Variants in KIF6 observed in about 807,000 individuals in gnomAD.
KIF6 encodes the protein kinesin-like protein KIF6.
KIF6 carries 106 observed loss-of-function variants against 112.7 expected under a neutral mutation model. The ratio of observed to expected loss-of-function variants is 0.94; its 90% CI spans 0.80 to 1.11. The LOEUF is 1.11. Among genes scored for constraint, KIF6 ranks in the 50% least tolerant of loss-of-function variants. The pLI, the probability that KIF6 is intolerant of heterozygous loss-of-function variation, is 0.00. For missense variants in KIF6, 929 were observed against 964.0 expected (o/e 0.96, Z 0.48); for synonymous variants, 339 against 339.9 (o/e 1.00, Z 0.03).
chr6:39,383,964 C>T (rs1165019355), intron 16 of KIF6, among the ~76,000 whole-genome samples: 2 of 152,144 alleles, frequency 1.3e-5, no homozygotes, highest in Non-Finnish European at 2.9e-5. Context: ...TTTTTGGTGT[C>T]TGGAAATGCT....
At chr6:39,461,236 A>G (rs1351867589) in intron 13 of KIF6, among the ~76,000 whole-genome samples, 1 of 152,156 alleles carries the variant, frequency 6.6e-6, no homozygotes, top group Non-Finnish European at 1.5e-5. Context: ...TATAGCATTC[A>G]TCATATTATT....
chr6:39,611,348 G>C (rs1342021988), intron 6 of KIF6, among the ~76,000 whole-genome samples: 2 of 152,014 alleles, frequency 1.3e-5, no homozygotes, highest in African/African-American at 4.8e-5. Context: ...AAAAAGACTT[G>C]GAATTTTGTA....
At chr6:39,386,854 G>A (rs955030837) in intron 15 of KIF6, among the ~76,000 whole-genome samples, 17 of 152,196 alleles carry the variant, frequency 1.1e-4, no homozygotes, top group African/African-American at 3.6e-4. Context: ...CCATTTGGGG[G>A]ATGTGATCAG....
At chr6:39,561,040 T>C (rs1354458729) in intron 10 of KIF6, among the ~76,000 whole-genome samples, 1 of 152,240 alleles carries the variant, frequency 6.6e-6, no homozygotes, top group Non-Finnish European at 1.5e-5. Flanking sequence ...CTGGGGGCAC[T>C]TATGGACTAT....
intron 3 of KIF6, among the ~76,000 whole-genome samples, chr6:39,648,100 T>C (rs2150784232): frequency 6.6e-6 from 1 of 150,578 alleles, no homozygotes; most frequent in South Asian, 2.1e-4. Context: ...CTTGGCTCAC[T>C]GCAAACTCTG....
intron 3 of KIF6, among the ~76,000 whole-genome samples, chr6:39,644,413 A>G (rs961606678): frequency 1.1e-4 from 17 of 152,166 alleles, no homozygotes; most frequent in African/African-American, 4.1e-4. Flanking sequence ...GAAACAACAC[A>G]AAGTGACCGT....
At chr6:39,724,963 G>A (rs1790449991) in intron 1 of KIF6, among the ~76,000 whole-genome samples, 1 of 152,188 alleles carries the variant, frequency 6.6e-6, no homozygotes, top group African/African-American at 2.4e-5. Context: ...GCACTAGTCT[G>A]CCCCCGCGTG....
At chr6:39,547,427 A>C (rs1779124247) in intron 10 of KIF6, among the ~76,000 whole-genome samples, 1 of 152,338 alleles carries the variant, frequency 6.6e-6, no homozygotes, top group South Asian at 2.1e-4. Flanking sequence ...AGAGGGATTT[A>C]TTCCTGATAC....
At chr6:39,431,351 A>G (rs1355840694) in intron 13 of KIF6, 190 bp from the exon 14 acceptor site, 4 of 562,790 alleles carry the variant, frequency 7.1e-6, no homozygotes, top group Non-Finnish European at 1.3e-5. Context: ...TTCCAGTGCC[A>G]CCCGCTGCAC....
At position 39,363,843 on chromosome 6, in the gene KIF6, T is replaced by G. The variant is rs557621023; in HGVS notation, c.1862-1325A>C. 2.8e-4 allele frequency among the ~76,000 whole-genome samples: 43 copies of G among 152,320 alleles called. 1 individual carries two copies. The highest frequency in any genetic ancestry group is 1.0e-3 in the African/African-American group (42 of 41,568). ...AACTTGGATTCAAAAATCCCTCGTATAACATTTCTGACAGAGGGTCATCTG... is the reference window on the plus strand; with the variant it reads ...AACTTGGATTCAAAAATCCCTCGTAGAACATTTCTGACAGAGGGTCATCTG... On this transcript the variant is annotated intron_variant, in intron 16 of 22. Coordinates refer to ENST00000287152, the MANE Select transcript of KIF6 (RefSeq NM_145027.6).
At chr6:39,530,202 T>A (rs1291431354) in intron 13 of KIF6, among the ~76,000 whole-genome samples, 1 of 152,186 alleles carries the variant, frequency 6.6e-6, no homozygotes, top group East Asian at 1.9e-4. Context: ...GAGGAGGAGA[T>A]AAGGGTCTGG....
At chr6:39,714,095 G>C (rs1189602682) in intron 3 of KIF6, among the ~76,000 whole-genome samples, 1 of 152,176 alleles carries the variant, frequency 6.6e-6, no homozygotes, top group Non-Finnish European at 1.5e-5. Context: ...TGAGTGTCTA[G>C]TCCCTAGGAG....
chr6:39,434,968 T>G (rs1771423200), intron 13 of KIF6, among the ~76,000 whole-genome samples: 2 of 152,244 alleles, frequency 1.3e-5, no homozygotes, highest in African/African-American at 4.8e-5. Context: ...ATCATGTGCT[T>G]TCTTATATAT....
chr6:39,611,538 G>T (rs1783213886), intron 6 of KIF6, among the ~76,000 whole-genome samples: 1 of 152,184 alleles, frequency 6.6e-6, no homozygotes, highest in Non-Finnish European at 1.5e-5. Flanking sequence ...CTGAAGGTGA[G>T]GGAAAGTAAT....
intron 5 of KIF6, among the ~76,000 whole-genome samples, chr6:39,633,934 A>G (rs1561882567): frequency 6.6e-6 from 1 of 152,228 alleles, no homozygotes; most frequent in Non-Finnish European, 1.5e-5. Flanking sequence ...AGATCCCATT[A>G]AAATAAAAAT....
intron 5 of KIF6, among the ~76,000 whole-genome samples, chr6:39,630,690 G>T (rs145132842): frequency 7.9e-5 from 12 of 152,004 alleles, no homozygotes; most frequent in Admixed American, 7.9e-4. Context: ...ATTGCAATTG[G>T]CTAGGACTTC....
intron 13 of KIF6, among the ~76,000 whole-genome samples, chr6:39,452,700 T>C (rs1408130250): frequency 2.0e-5 from 3 of 152,184 alleles, no homozygotes; most frequent in African/African-American, 7.2e-5. Flanking sequence ...AAGAGCAGGA[T>C]GTGAAAAAGG....
In KIF6 at chr6:39,586,281, A is replaced by C; in HGVS notation, c.970T>G (p.Leu324Val). The change falls in exon 8 of 23, where the codon TTG (leucine) becomes GTG (valine). Residue 324 changes from leucine to valine, a missense_variant. By Grantham distance (32) the Leu-to-Val change is conservative (BLOSUM62 1). Around this residue, in one of 2 missense-constraint regions of KIF6, gnomAD observed 688 missense variants for 662.7 expected, o/e 1.04. Coordinates refer to ENST00000287152, the MANE Select transcript of KIF6 (RefSeq NM_145027.6). ...CMTTMIATLS[L>V]EKRNLDESIS... ...CATACATCAAGATTCCTTTTCTCCA[A>C]GGAGAGTGTTGCAATCATAGTTGTC... 1 of 1,614,152 alleles carries C rather than the reference A, an allele frequency of 6.2e-7. No individual in the cohort carries two copies. Among genetic ancestry groups the C allele is most frequent in the Non-Finnish European group, 8.5e-7 (1 of 1,179,988 alleles).
At chr6:39,716,918 T>C (rs1789884904) in intron 2 of KIF6, among the ~76,000 whole-genome samples, 1 of 152,208 alleles carries the variant, frequency 6.6e-6, no homozygotes, top group African/African-American at 2.4e-5. Context: ...CTGTTTCTAC[T>C]ATACTTTATG....
Sources: gnomAD v4.1 joint callset for allele counts (sites outside exome capture counted in the v4.1 genomes callset) on GRCh38, gnomAD v4.1.1 for gene constraint, gnomAD v4.1.1 regional missense constraint, MANE v1.5 for transcripts, NCBI Gene and HGNC (gene_info 2026-07-23, HGNC 2026-07-21) for gene names.